CUL4A: variants seen among roughly 807,000 people sequenced by gnomAD.
CUL4A encodes cullin 4A, also known as cullin-4A.
In CUL4A, 16 loss-of-function variants were observed where a neutral mutation model predicts 95.5. That is an observed-to-expected ratio of 0.17 (90% confidence interval 0.11 to 0.25). The LOEUF (loss-of-function observed/expected upper bound fraction) is 0.25, where lower values mean the gene tolerates loss of function less well. Ranked by LOEUF, CUL4A falls within the 10% of genes least tolerant of loss-of-function variation. The probability of loss-of-function intolerance (pLI) is 1.00; values close to 1 mark genes in which losing one functional copy is unlikely to be tolerated. For synonymous variants in CUL4A, 380 were observed against 353.1 expected, an observed-to-expected ratio of 1.08 and a Z score of -0.85; for missense variants, 610 against 937.0, an observed-to-expected ratio of 0.65 and a Z score of 4.56.
chr13:113,226,633 CAAGGT>C (rs372697836), intron 3 of CUL4A, among the ~76,000 whole-genome samples: 8 of 152,200 alleles, frequency 5.3e-5, no homozygotes, highest in African/African-American at 9.7e-5. Context: ...TTCTAAGAGT[CAAGGT>C]AAGAGTGTTC....
At chr13:113,239,640 G>A (rs2041650043) in intron 10 of CUL4A, 89 bp downstream of exon 10, 1 of 965,676 alleles carries the variant, frequency 1.0e-6, no homozygotes, top group African/African-American at 1.6e-5. Context: ...CCCTGGCAAA[G>A]GGAACTGGGC....
upstream of CUL4A, chr13:113,208,636 G>C: frequency 3.7e-6 from 6 of 1,607,446 alleles, no homozygotes; most frequent in Admixed American, 1.7e-5. Context: ...GTGCGCCATG[G>C]GAGCGCCGCC....
intron 8 of CUL4A, 69 bp from the exon 9 acceptor site, chr13:113,236,754 A>T (rs2041558596): frequency 1.9e-6 from 2 of 1,034,130 alleles, no homozygotes; most frequent in South Asian, 2.8e-5. Context: ...AAATGCCCCC[A>T]TCTTTTGCAG....
Position 113,210,022 on chromosome 13 carries a change from G to A in CUL4A, c.198G>A (p.Leu66=). The A allele has an allele frequency of 6.6e-7, 1 of 1,526,182 alleles. No homozygotes were observed. The highest frequency in any genetic ancestry group is 1.8e-4 in the Middle Eastern group (1 of 5,420). 94.5% of individuals were successfully genotyped at this position (1,526,182 alleles called of 1,614,324 possible). A position where few individuals can be genotyped will look rare whatever the true frequency, so the allele number is the denominator to read the frequency against. The stretch of plus-strand genomic sequence containing the variant: ...ACACGCAGGACACGTGGCGGAAGCT[G>A]CACGAGGCGGTGCGGGCCGTGCAGA... ...DNYTQDTWRK[L]HEAVRAVQSS... Residue 66 remains leucine (L), a synonymous_variant, in exon 2 of 20, where the codon CTG becomes CTA. Coordinates refer to ENST00000375440, the MANE Select transcript of CUL4A (RefSeq NM_001008895.4).
At chr13:113,241,000 A>G (rs1174683247) in intron 10 of CUL4A, among the ~76,000 whole-genome samples, 1 of 152,218 alleles carries the variant, frequency 6.6e-6, no homozygotes, top group African/African-American at 2.4e-5. Context: ...TCCGTTAAAT[A>G]AAAAAGATAA....
At chr13:113,247,947 C>T (rs113161968) in intron 15 of CUL4A, among the ~76,000 whole-genome samples, 3 of 152,126 alleles carry the variant, frequency 2.0e-5, no homozygotes, top group African/African-American at 4.8e-5. Flanking sequence ...AGGCGGCCTT[C>T]GATGCTCCCT....
At chr13:113,243,473 A>G (rs1328611664) in intron 11 of CUL4A, among the ~76,000 whole-genome samples, 1 of 152,208 alleles carries the variant, frequency 6.6e-6, no homozygotes, top group East Asian at 1.9e-4. Context: ...CCATATTAAA[A>G]TAGGATAAAA....
chr13:113,239,934 T>G (rs1180733925), intron 10 of CUL4A, among the ~76,000 whole-genome samples: 2 of 152,266 alleles, frequency 1.3e-5, no homozygotes, highest in Non-Finnish European at 2.9e-5. Context: ...AGAACTATTA[T>G]ATATTTGGCA....
chr13:113,260,840 T>A, intron 19 of CUL4A, 81 bp downstream of exon 19: 1 of 1,112,656 alleles, frequency 9.0e-7, no homozygotes, highest in Non-Finnish European at 1.3e-6. Context: ...TGTTCAGTCA[T>A]ATCATTTGAC....
At chr13:113,208,430 G>C (rs1369467702), upstream of CUL4A, 6 of 1,499,770 alleles carry the variant, frequency 4.0e-6, no homozygotes, top group Admixed American at 1.2e-4. Context: ...CCGCCTTCCC[G>C]AGTCCCGGCC....
At chr13:113,208,569 G>T, upstream of CUL4A, 1 of 1,604,350 alleles carries the variant, frequency 6.2e-7, no homozygotes, top group Non-Finnish European at 8.5e-7. Context: ...GGCCAACCAC[G>T]CCGCCGCGCG....
intron 9 of CUL4A, among the ~76,000 whole-genome samples, chr13:113,238,775 A>G (rs2139213675): frequency 6.6e-6 from 1 of 152,310 alleles, no homozygotes; most frequent in African/African-American, 2.4e-5. Context: ...CATCGTGCCC[A>G]GTGTAGGCAG....
chr13:113,210,173 G>A (rs916054514), intron 2 of CUL4A, 85 bp downstream of exon 2: 14 of 887,510 alleles, frequency 1.6e-5, no homozygotes, highest in Non-Finnish European at 2.2e-5. Flanking sequence ...GTGCCTCGCA[G>A]GCTCTCGCCG....
In CUL4A at chr13:113,243,068, G is replaced by C; in HGVS notation, c.1136G>C (p.Cys379Ser). Residue 379 changes from cysteine (C) to serine (S), a missense_variant, in exon 11 of 20, where the codon TGC becomes TCC. Around this residue, in one of 10 missense-constraint regions of CUL4A, gnomAD observed 153 missense variants for 244.5 expected, o/e 0.63. Transcript: ENST00000375440. ...KDKVDHVIEV[C>S]FQKNERFVNL... ...AAGGTGGACCACGTGATCGAGGTCT[G>C]CTTCCAGAAGAATGAGCGGTTCGTC... The C allele has an allele frequency of 6.2e-7, 1 of 1,614,218 alleles. No individual in the cohort carries two copies. Among genetic ancestry groups the C allele is most frequent in the Middle Eastern group, 1.6e-4 (1 of 6,062 alleles).
At chr13:113,232,891 C>T (rs566096180) in intron 5 of CUL4A, among the ~76,000 whole-genome samples, 20 of 152,220 alleles carry the variant, frequency 1.3e-4, no homozygotes, top group African/African-American at 4.3e-4. Context: ...GCGAGGACCC[C>T]GGGCTTCTGC....
intron 8 of CUL4A, among the ~76,000 whole-genome samples, chr13:113,236,619 A>C (rs2041553914): frequency 6.6e-6 from 1 of 152,192 alleles, no homozygotes; most frequent in Non-Finnish European, 1.5e-5. Flanking sequence ...TGTGCTGTTC[A>C]GTAGGTGGTT....
intron 2 of CUL4A, among the ~76,000 whole-genome samples, chr13:113,213,327 G>A (rs2040522080): frequency 6.6e-6 from 1 of 152,208 alleles, no homozygotes; most frequent in Non-Finnish European, 1.5e-5. Flanking sequence ...AGGAAGCTGA[G>A]CAGTTGGGGC....
intron 19 of CUL4A, 91 bp downstream of exon 19, chr13:113,260,850 C>A: frequency 1.0e-6 from 1 of 1,000,726 alleles, no homozygotes; most frequent in Non-Finnish European, 1.5e-6. Context: ...TATCATTTGA[C>A]CTGCATTATT....
intron 8 of CUL4A, among the ~76,000 whole-genome samples, chr13:113,235,773 A>C (rs1183655702): frequency 1.3e-5 from 2 of 152,132 alleles, no homozygotes; most frequent in South Asian, 2.1e-4. Flanking sequence ...GATCGAGACC[A>C]TCCTGACCAA....
Sources: gnomAD v4.1 joint callset for allele counts (sites outside exome capture counted in the v4.1 genomes callset) on GRCh38, gnomAD v4.1.1 for gene constraint, gnomAD v4.1.1 regional missense constraint, MANE v1.5 for transcripts, NCBI Gene and HGNC (gene_info 2026-07-23, HGNC 2026-07-21) for gene names.